The following ZNF562 variants were observed in gnomAD, a reference collection of about 807,000 sequenced individuals.
ZNF562 encodes the protein zinc finger protein 562.
ZNF562 carries 13 observed loss-of-function variants against 17.5 expected under a neutral mutation model. That is an observed-to-expected ratio of 0.74 (90% confidence interval 0.48 to 1.18). ZNF562 has a LOEUF of 1.18. Ranked by LOEUF, ZNF562 falls within the 50% of genes most tolerant of loss-of-function variation. The pLI, the probability that ZNF562 is intolerant of heterozygous loss-of-function variation, is 0.00. For synonymous variants in ZNF562, 163 were observed against 165.4 expected (o/e 0.99, Z 0.11); for missense variants, 481 against 498.5 (o/e 0.96, Z 0.33).
intron 2 of ZNF562, among the ~76,000 whole-genome samples, chr19:9,659,698 A>G (rs2043648927): frequency 6.6e-6 from 1 of 151,992 alleles, no homozygotes; most frequent in Non-Finnish European, 1.5e-5. Flanking sequence ...TTTTTCAAGG[A>G]AACTTACACC....
In ZNF562 at chr19:9,647,256, A is replaced by T. The variant is rs188558118; in HGVS notation, c.*5693T>A. On this transcript the variant is annotated 3_prime_UTR_variant, in exon 6 of 6. Coordinates refer to ENST00000453372, the MANE Select transcript of ZNF562 (RefSeq NM_001130031.2). ...AATACCGTGCCCAGCTAATTTTTGT[A>T]TTTTTAGTAAAGACGGGGTTTCAAC... The T allele has an allele frequency of 2.0e-5, 3 of 151,422 alleles. No homozygotes were observed. The East Asian group carries it at 5.9e-4, about 30-fold the overall frequency. 9.4% of individuals were successfully genotyped at this position (151,422 alleles called of 1,614,324 possible).
chr19:9,657,806 C>T (rs1037629960), intron 4 of ZNF562, among the ~76,000 whole-genome samples: 1 of 152,018 alleles, frequency 6.6e-6, no homozygotes, highest in Non-Finnish European at 1.5e-5. Flanking sequence ...CTCAGCCTTC[C>T]AAAGTGCTGG....
chr19:9,669,960 G>T (rs2044123758), intron 1 of ZNF562, among the ~76,000 whole-genome samples: 1 of 152,060 alleles, frequency 6.6e-6, no homozygotes, highest in South Asian at 2.1e-4. Flanking sequence ...TACTCCAGAG[G>T]CTGAGGTAAG....
chr19:9,648,051 ACT>A lies in ZNF562; in HGVS notation c.*4896_*4897del, dbSNP rs2074821132. The A allele has an allele frequency of 6.6e-6, 1 of 151,988 alleles. No individual in the cohort carries two copies. The allele number at this position is 151,988 out of a possible 1,614,324, so 9.4% of individuals were successfully genotyped here. A position where few individuals can be genotyped will look rare whatever the true frequency, so the allele number is the denominator to read the frequency against. ...TGAGCCACTATTCCCAACCTAGATG[ACT>A]CTTATAGATTAAGAATTTAGAAATA... is the stretch of plus-strand genomic sequence containing the variant. On this transcript the variant is annotated 3_prime_UTR_variant, in exon 6 of 6. Coordinates refer to ENST00000453372, the MANE Select transcript of ZNF562 (RefSeq NM_001130031.2).
chr19:9,669,355 C>G (rs1390422320), intron 1 of ZNF562, among the ~76,000 whole-genome samples: 1 of 152,122 alleles, frequency 6.6e-6, no homozygotes, highest in African/African-American at 2.4e-5. Flanking sequence ...AAAAAATGCT[C>G]AACATCACTA....
intron 1 of ZNF562, among the ~76,000 whole-genome samples, chr19:9,669,554 G>A (rs755289010): frequency 2.0e-5 from 3 of 152,036 alleles, no homozygotes; most frequent in Non-Finnish European, 4.4e-5. Context: ...TTCAGGTGTG[G>A]TGGCTCAGGC....
In ZNF562 at chr19:9,660,712, G is replaced by T. The variant is rs764908544; in HGVS notation, c.25+8C>A. 3.1e-6 allele frequency: 5 copies of T among 1,612,294 alleles called. No homozygotes were observed. The highest frequency in any genetic ancestry group is 4.2e-6 in the Non-Finnish European group (5 of 1,178,960). ...AATCTCTGAAAAAGAGCATCAACAA[G>T]GACTTACCATGGGACATATCAAAGG... On this transcript the variant is annotated splice_region_variant and intron_variant, in intron 2 of 5. Coordinates refer to ENST00000453372, the MANE Select transcript of ZNF562 (RefSeq NM_001130031.2).
intron 5 of ZNF562, 47 bp from the exon 6 acceptor site, chr19:9,653,928 G>C (rs372967021): frequency 6.8e-7 from 1 of 1,471,576 alleles, no homozygotes. Context: ...CATATTAAGA[G>C]ATTTCACCCA....
chr19:9,662,047 C>T (rs2043768095), intron 1 of ZNF562, among the ~76,000 whole-genome samples: 1 of 152,122 alleles, frequency 6.6e-6, no homozygotes, highest in African/African-American at 2.4e-5. Flanking sequence ...TAAGCATGAG[C>T]CACCATGCCT....
chr19:9,653,931 T>G, intron 5 of ZNF562, 50 bp from the exon 6 acceptor site: 2 of 1,469,458 alleles, frequency 1.4e-6, no homozygotes, highest in Non-Finnish European at 9.0e-7. Flanking sequence ...ATTAAGAGAT[T>G]TCACCCATCT....
intron 1 of ZNF562, among the ~76,000 whole-genome samples, chr19:9,671,707 T>TA (rs1346662285): frequency 7.9e-5 from 12 of 152,248 alleles, no homozygotes; most frequent in Admixed American, 7.8e-4. Context: ...GTGTCCATGT[T>TA]AAATGGCATG....
chr19:9,663,810 G>GCCCA (rs2043848602), intron 1 of ZNF562, among the ~76,000 whole-genome samples: 1 of 151,996 alleles, frequency 6.6e-6, no homozygotes, highest in African/African-American at 2.4e-5. Context: ...TCAAGTAGCT[G>GCCCA]GGACTACAGG....
rs964048355 is a variant in ZNF562 at position 9,643,429 on chromosome 19, A to G, written c.*9520T>C. 1 of 152,084 alleles carries G rather than the reference A, an allele frequency of 6.6e-6. No individual in the cohort carries two copies. The highest frequency in any genetic ancestry group is 2.4e-5 in the African/African-American group (1 of 41,412). 9.4% of individuals were successfully genotyped at this position (152,084 alleles called of 1,614,324 possible). A position where few individuals can be genotyped will look rare whatever the true frequency, so the allele number is the denominator to read the frequency against. Reference sequence around the variant, plus strand: ...GCATCCCTCTGGGCAAATTCCAGGCATCATCCATAATGATGAATGCACAAA... The same window carrying G: ...GCATCCCTCTGGGCAAATTCCAGGCGTCATCCATAATGATGAATGCACAAA... On this transcript the variant is annotated 3_prime_UTR_variant, in exon 6 of 6. Coordinates refer to ENST00000453372, the MANE Select transcript of ZNF562 (RefSeq NM_001130031.2).
At chr19:9,658,768 TTATC>T (rs915043964) in intron 3 of ZNF562, among the ~76,000 whole-genome samples, 23 of 152,188 alleles carry the variant, frequency 1.5e-4, no homozygotes, top group Non-Finnish European at 2.8e-4. Flanking sequence ...ACATTAATTT[TTATC>T]TATCTAGCAT....
rs1428616901 is a variant in ZNF562, at chr19:9,650,096, T to A, written c.*2853A>T. On this transcript the variant is annotated 3_prime_UTR_variant, in exon 6 of 6. Transcript: ENST00000453372. Reference sequence around the variant, plus strand: ...AAAAAATAAAAAAGAAATAAAAGCCTACAGCCAAACCAACAAAATAGAGTG... The same window carrying A: ...AAAAAATAAAAAAGAAATAAAAGCCAACAGCCAAACCAACAAAATAGAGTG... 1 of 152,090 alleles carries A rather than the reference T, an allele frequency of 6.6e-6. No homozygotes were observed. Among genetic ancestry groups the A allele is most frequent in the African/African-American group, 2.4e-5 (1 of 41,426 alleles). 9.4% of individuals were successfully genotyped at this position (152,090 alleles called of 1,614,324 possible).
At chr19:9,662,519 G>A (rs2056744178) in intron 1 of ZNF562, among the ~76,000 whole-genome samples, 1 of 150,974 alleles carries the variant, frequency 6.6e-6, no homozygotes, top group African/African-American at 2.4e-5. Context: ...CCGAGATCAT[G>A]CCACTGCACT....
Position 9,652,770 on chromosome 19 carries a change from C to T in ZNF562, c.*179G>A. The T allele has an allele frequency of 3.8e-6, 2 of 530,988 alleles. No homozygotes were observed. The highest frequency in any genetic ancestry group is 6.3e-5 in the East Asian group (2 of 31,590). The allele number at this position is 530,988 out of a possible 1,614,324, so 32.9% of individuals were successfully genotyped here. The stretch of plus-strand genomic sequence containing the variant: ...TGGCAACCAATGGGCTAAATGGTAA[C>T]AACACTCATATCCTTACATTCATAG... On this transcript the variant is annotated 3_prime_UTR_variant, in exon 6 of 6. Coordinates refer to ENST00000453372, the MANE Select transcript of ZNF562 (RefSeq NM_001130031.2).
intron 3 of ZNF562, chr19:9,658,431 C>A (rs1444544046): frequency 2.8e-6 from 2 of 710,704 alleles, no homozygotes; most frequent in African/African-American, 3.9e-5. Context: ...CTCACTGCAA[C>A]CTCCACCTCC....
At chr19:9,674,008 G>T (rs1156246968) in intron 1 of ZNF562, among the ~76,000 whole-genome samples, 1 of 152,070 alleles carries the variant, frequency 6.6e-6, no homozygotes, top group Non-Finnish European at 1.5e-5. Flanking sequence ...TCTACAGAAG[G>T]GTGTGCCCTC....
Sources: allele counts gnomAD v4.1 joint callset (sites outside exome capture counted in the v4.1 genomes callset), GRCh38; gene constraint gnomAD v4.1.1; transcripts MANE v1.5; gene names NCBI Gene and HGNC (gene_info 2026-07-23, HGNC 2026-07-21).